The following TMEM26 variants were observed in gnomAD, a reference collection of about 807,000 sequenced individuals.
The protein encoded by TMEM26 is transmembrane protein 26.
Under a neutral mutation model 28.8 loss-of-function variants are expected in TMEM26, and 38 were observed. That is an observed-to-expected ratio of 1.32 (90% CI 1.02 to 1.73). The LOEUF (loss-of-function observed/expected upper bound fraction) is 1.73. Among genes scored for constraint, TMEM26 ranks in the 40% most tolerant of loss-of-function variants. The pLI is 0.00. For missense variants in TMEM26, 518 were observed against 447.1 expected (o/e 1.16, Z -1.43); for synonymous variants, 227 against 182.9 (o/e 1.24, Z -1.95).
At chr10:61,427,489 T>C (rs1839851465) in intron 4 of TMEM26, among the ~76,000 whole-genome samples, 1 of 152,116 alleles carries the variant, frequency 6.6e-6, no homozygotes, top group African/African-American at 2.4e-5. Context: ...TCATTTGGGT[T>C]GTTTGTTTTG....
chr10:61,435,836 G>C (rs999943205), intron 2 of TMEM26, among the ~76,000 whole-genome samples: 4 of 152,150 alleles, frequency 2.6e-5, no homozygotes, highest in Admixed American at 1.3e-4. Flanking sequence ...ACTCACTGAA[G>C]CTGGAAGGGT....
At chr10:61,413,046 CT>C in intron 5 of TMEM26, 1 of 1,030,516 alleles carries the variant, frequency 9.7e-7, no homozygotes, top group South Asian at 1.5e-5. Flanking sequence ...AGAAATAAAA[CT>C]TTTATGGCAG....
chr10:61,417,069 C>G (rs551638846), intron 4 of TMEM26, among the ~76,000 whole-genome samples: 1 of 151,992 alleles, frequency 6.6e-6, no homozygotes, highest in African/African-American at 2.4e-5. Context: ...AGTAAAAATT[C>G]TCAGGAAGGT....
At chr10:61,416,696 T>C (rs1438748755) in intron 4 of TMEM26, among the ~76,000 whole-genome samples, 1 of 152,104 alleles carries the variant, frequency 6.6e-6, no homozygotes, top group Non-Finnish European at 1.5e-5. Context: ...AAATGCAAAA[T>C]AACTTACTAA....
At chr10:61,445,506 A>T (rs1840165290) in intron 1 of TMEM26, among the ~76,000 whole-genome samples, 1 of 152,182 alleles carries the variant, frequency 6.6e-6, no homozygotes, top group African/African-American at 2.4e-5. Context: ...CAAAACAAAG[A>T]TAAAATATAA....
At chr10:61,419,576 T>A (rs529750822) in intron 4 of TMEM26, among the ~76,000 whole-genome samples, 98 of 152,090 alleles carry the variant, frequency 6.4e-4, no homozygotes, top group African/African-American at 2.3e-3. Context: ...TACATCTGGA[T>A]TTGAGATGGC....
At chr10:61,413,834 A>T in intron 4 of TMEM26, 1 of 1,030,840 alleles carries the variant, frequency 9.7e-7, no homozygotes, top group Non-Finnish European at 1.2e-6. Context: ...GAGAAAAATG[A>T]TAGGGGAGAA....
chr10:61,432,155 GA>G (rs1233714504), intron 2 of TMEM26, among the ~76,000 whole-genome samples: 1 of 151,810 alleles, frequency 6.6e-6, no homozygotes, highest in Admixed American at 6.6e-5. Context: ...TTCTTATCCA[GA>G]AGCCTCTTTA....
chr10:61,429,701 T>A (rs975047076), intron 3 of TMEM26, among the ~76,000 whole-genome samples: 8 of 152,070 alleles, frequency 5.3e-5, no homozygotes, highest in Admixed American at 1.3e-4. Context: ...TGTAAAATTA[T>A]TATTTTTATT....
intron 1 of TMEM26, among the ~76,000 whole-genome samples, chr10:61,444,501 T>C (rs1178463812): frequency 6.6e-6 from 1 of 152,070 alleles, no homozygotes; most frequent in Non-Finnish European, 1.5e-5. Context: ...CCCTTTTATG[T>C]CCTGTTTTGG....
At chr10:61,428,488 C>G (rs998793175) in intron 4 of TMEM26, among the ~76,000 whole-genome samples, 1 of 152,096 alleles carries the variant, frequency 6.6e-6, no homozygotes, top group Non-Finnish European at 1.5e-5. Flanking sequence ...AGAGACTTCT[C>G]CATGTCTTCT....
In TMEM26 at chr10:61,408,914, T is replaced by C. The variant is rs1030875609; in HGVS notation, c.*1408A>G. ...TAAAATGTTTCGAATAGGTATCATG[T>C]CACCCAGAGAGTTACAGATAAAATT... On this transcript the variant is annotated 3_prime_UTR_variant, in exon 6 of 6. Transcript: ENST00000399298. 28 of 152,208 alleles carry C rather than the reference T, an allele frequency of 1.8e-4. No homozygotes were observed. Among genetic ancestry groups the C allele is most frequent in the Admixed American group, 7.2e-4 (11 of 15,284 alleles). 9.4% of individuals were successfully genotyped at this position (152,208 alleles called of 1,614,324 possible).
At chr10:61,451,177 A>G (rs763944753) in intron 1 of TMEM26, among the ~76,000 whole-genome samples, 2 of 151,890 alleles carry the variant, frequency 1.3e-5, no homozygotes, top group Non-Finnish European at 1.5e-5. Flanking sequence ...TTTTATCCCA[A>G]CCATTTTTCC....
chr10:61,442,796 TG>T (rs1327908637), intron 1 of TMEM26, among the ~76,000 whole-genome samples: 2 of 152,242 alleles, frequency 1.3e-5, no homozygotes, highest in African/African-American at 4.8e-5. Flanking sequence ...TTTGTCTAAG[TG>T]GGCCTTAACA....
At chr10:61,434,246 T>C (rs1240043043) in intron 2 of TMEM26, among the ~76,000 whole-genome samples, 1 of 152,190 alleles carries the variant, frequency 6.6e-6, no homozygotes, top group Non-Finnish European at 1.5e-5. Flanking sequence ...ATGAGTCAAA[T>C]CCATTACTAC....
chr10:61,410,410 C>T lies in TMEM26; in HGVS notation c.1019G>A (p.Arg340Gln), dbSNP rs765185921. ...CTCCTTAGACTCGTTCTGCCAGTCC[C>T]GCTGAGAGGGCCCACTCTCAGAGGT... ...AQTSESGPSQ[R>Q]DWQNESKEGL... Residue 340 changes from arginine to glutamine, a missense_variant, in exon 6 of 6, where the codon CGG (arginine) becomes CAG (glutamine). Coordinates refer to ENST00000399298, the MANE Select transcript of TMEM26 (RefSeq NM_178505.8). The T allele has an allele frequency of 5.0e-6, 8 of 1,614,044 alleles. No individual in the cohort carries two copies. The highest frequency in any genetic ancestry group is 6.8e-6 in the Non-Finnish European group (8 of 1,180,006).
chr10:61,411,081 G>T (rs574312709), intron 5 of TMEM26, among the ~76,000 whole-genome samples: 14 of 152,116 alleles, frequency 9.2e-5, no homozygotes, highest in African/African-American at 3.4e-4. Context: ...ACCATGGGGG[G>T]AATAAAAAAT....
intron 4 of TMEM26, among the ~76,000 whole-genome samples, chr10:61,419,195 A>C (rs1839702835): frequency 6.6e-6 from 1 of 152,128 alleles, no homozygotes; most frequent in African/African-American, 2.4e-5. Flanking sequence ...GGGAGGCTGA[A>C]GATAACATGG....
chr10:61,446,931 GCGTCAAGACTTGCTCCCATC>G (rs1299617344), intron 1 of TMEM26, among the ~76,000 whole-genome samples: 1 of 145,928 alleles, frequency 6.9e-6, no homozygotes, highest in South Asian at 2.1e-4. Context: ...TGGAAAAACA[GCGTCAAGACTTGCTCCCATC>G]AGGGCTACAA....
Sources: allele counts gnomAD v4.1 joint callset (sites outside exome capture counted in the v4.1 genomes callset), GRCh38; gene constraint gnomAD v4.1.1; transcripts MANE v1.5; gene names NCBI Gene and HGNC (gene_info 2026-07-23, HGNC 2026-07-21).